The following USP53 variants were observed in gnomAD, a reference collection of about 807,000 sequenced individuals.
USP53 encodes the protein ubiquitin carboxyl-terminal hydrolase 53.
A neutral mutation model predicts 94.9 loss-of-function variants in USP53; 71 were observed. The ratio of observed to expected loss-of-function variants is 0.75; its 90% confidence interval spans 0.62 to 0.91. USP53 has a LOEUF of 0.91. Among genes scored for constraint, USP53 ranks in the 40% least tolerant of loss-of-function variants. The probability of loss-of-function intolerance (pLI) is 0.00; values close to 1 mark genes in which losing one functional copy is unlikely to be tolerated. For missense variants in USP53, 1,173 were observed against 1,281.0 expected (o/e 0.92, Z 1.29); for synonymous variants, 375 against 422.7 (o/e 0.89, Z 1.39).
chr4:119,245,263 A>G (rs1748071962), intron 5 of USP53, 74 bp from the exon 6 acceptor site: 1 of 1,429,888 alleles, frequency 7.0e-7, no homozygotes, highest in Admixed American at 1.7e-5. Flanking sequence ...TTTGTAAAAT[A>G]TCTAAATCTG....
chr4:119,248,760 C>A lies in USP53; in HGVS notation c.250C>A (p.Gln84Lys). 6.2e-7 allele frequency: 1 copy of A among 1,611,188 alleles called. No individual in the cohort carries two copies. The highest frequency in any genetic ancestry group is 1.3e-5 in the African/African-American group (1 of 74,908). Residue 84 changes from glutamine to lysine, a missense_variant, in exon 7 of 19, where the codon CAG becomes AAG. Physicochemically the swap from Gln to Lys is moderately conservative, Grantham distance 53. Coordinates refer to ENST00000692078, the MANE Select transcript of USP53 (RefSeq NM_001371395.1). The stretch of plus-strand genomic sequence containing the variant: ...TGTCGATTCCCAGACGATATTTGCA[C>A]AGTTCCAACACAGTCGAGAAAAAGC... ...IFCALKTIFA[Q>K]FQHSREKALP... is the part of the protein sequence containing the mutation.
chr4:119,273,493 T>G, intron 16 of USP53, 139 bp from the exon 17 acceptor site: 1 of 536,864 alleles, frequency 1.9e-6, no homozygotes, highest in Non-Finnish European at 3.3e-6. Context: ...ACAACTACTT[T>G]TAAGTATTAA....
chr4:119,265,159 G>T (rs189183199), intron 12 of USP53, among the ~76,000 whole-genome samples: 80 of 152,060 alleles, frequency 5.3e-4, no homozygotes, highest in Non-Finnish European at 9.3e-4. Flanking sequence ...AAGATTTTGG[G>T]GTGAGGATTA....
chr4:119,285,693 GTT>G, intron 17 of USP53, among the ~76,000 whole-genome samples: 1 of 151,936 alleles, frequency 6.6e-6, no homozygotes, highest in East Asian at 1.9e-4. Context: ...TCTCTAAGAT[GTT>G]TTTGGCAAAC....
At chr4:119,273,497 G>C (rs956885275) in intron 16 of USP53, 135 bp from the exon 17 acceptor site, 27 of 553,302 alleles carry the variant, frequency 4.9e-5, no homozygotes, top group Non-Finnish European at 7.7e-5. Flanking sequence ...CTACTTTTAA[G>C]TATTAAATAA....
chr4:119,273,441 A>C (rs1006049750), intron 16 of USP53, 191 bp from the exon 17 acceptor site: 5 of 445,076 alleles, frequency 1.1e-5, no homozygotes, highest in Non-Finnish European at 2.1e-5. Context: ...TGGGCAAATT[A>C]ATTTGACTTT....
chr4:119,214,871 T>TCTCTTA (rs1743496859), intron 2 of USP53, among the ~76,000 whole-genome samples: 1 of 152,212 alleles, frequency 6.6e-6, no homozygotes, highest in Admixed American at 6.5e-5. Flanking sequence ...TGTTTGGAAC[T>TCTCTTA]CTCTTACTTA....
At chr4:119,265,733 C>T (rs1316026844) in intron 12 of USP53, among the ~76,000 whole-genome samples, 3 of 152,124 alleles carry the variant, frequency 2.0e-5, no homozygotes, top group African/African-American at 4.8e-5. Context: ...TTGGAATCCC[C>T]AGTGAGGAGG....
chr4:119,258,743 A>G (rs1051280614), intron 9 of USP53, among the ~76,000 whole-genome samples: 2 of 152,292 alleles, frequency 1.3e-5, no homozygotes, highest in African/African-American at 4.8e-5. Flanking sequence ...CTTATTCACT[A>G]CCACCAGAAC....
chr4:119,288,464 G>T (rs1487600369), intron 17 of USP53, among the ~76,000 whole-genome samples: 1 of 152,218 alleles, frequency 6.6e-6, no homozygotes, highest in Non-Finnish European at 1.5e-5. Context: ...AAAAATTGTG[G>T]ATATTATTCT....
At chr4:119,252,692 C>G (rs1217356981) in intron 7 of USP53, among the ~76,000 whole-genome samples, 1 of 151,936 alleles carries the variant, frequency 6.6e-6, no homozygotes, top group Non-Finnish European at 1.5e-5. Context: ...GCTCCTGGAA[C>G]CAGTGATTGT....
At chr4:119,245,525 T>C in intron 6 of USP53, 96 bp downstream of exon 6, 1 of 978,390 alleles carries the variant, frequency 1.0e-6, no homozygotes, top group Non-Finnish European at 1.6e-6. Flanking sequence ...TAAAGTTCAC[T>C]GTCAGGTGAT....
At chr4:119,269,117 TAATG>T (rs907278612) in intron 14 of USP53, among the ~76,000 whole-genome samples, 2 of 152,262 alleles carry the variant, frequency 1.3e-5, no homozygotes, top group Non-Finnish European at 2.9e-5. Context: ...TAAAAATTCT[TAATG>T]AAGCTGTATC....
In USP53 at chr4:119,267,262, T is replaced by C; in HGVS notation, c.973-58T>C. ...AAGTAACTCAGAGTCTGTCTTTTCATGTAACACATTGATTACAAGGTTTTG... is the reference window on the plus strand; with the variant it reads ...AAGTAACTCAGAGTCTGTCTTTTCACGTAACACATTGATTACAAGGTTTTG... On this transcript the variant is annotated intron_variant, in intron 12 of 18. Transcript: ENST00000692078. 3.9e-6 allele frequency: 6 copies of C among 1,532,186 alleles called. No homozygotes were observed. In the South Asian group the frequency reaches 7.5e-5, roughly 19 times the overall value. The allele number at this position is 1,532,186 out of a possible 1,614,324, so 94.9% of individuals were successfully genotyped here.
chr4:119,272,240 T>C, intron 16 of USP53: 1 of 432,362 alleles, frequency 2.3e-6, no homozygotes, highest in Non-Finnish European at 3.9e-6. Context: ...ATATTTTAGA[T>C]TTCCATTTTG....
chr4:119,268,094 G>A (rs543074059), intron 13 of USP53, among the ~76,000 whole-genome samples, 174 bp from the exon 14 acceptor site: 252 of 151,080 alleles, frequency 1.7e-3, no homozygotes, highest in Non-Finnish European at 3.0e-3. Context: ...GTGAACCCGG[G>A]AGGCGGAGCT....
chr4:119,243,511 T>C (rs77598255), intron 5 of USP53, among the ~76,000 whole-genome samples: 6,712 of 151,956 alleles, frequency 0.044, 201 homozygotes, highest in Non-Finnish European at 0.068. Context: ...AATAAATAAA[T>C]AAAAATAAAA....
intron 9 of USP53, 109 bp from the exon 10 acceptor site, chr4:119,259,710 GT>G (rs1426885307): frequency 2.9e-6 from 2 of 690,282 alleles, no homozygotes; most frequent in Non-Finnish European, 2.3e-6. Flanking sequence ...TCATGGTCAT[GT>G]TTTAGATAGA....
rs1221835135 is a variant in USP53, at chr4:119,270,468, G to C, written c.1435+631G>C. Among the ~76,000 whole-genome samples, 4 of 152,022 alleles carry C rather than the reference G, an allele frequency of 2.6e-5. No individual in the cohort carries two copies. The East Asian group carries it at 7.7e-4, about 29-fold the overall frequency. On this transcript the variant is annotated intron_variant, in intron 15 of 18. Transcript: ENST00000692078. ...CTAAATATGCAAAATATCCTGGTTT[G>C]TTCTTAATTCTAACCTGGGATACTT...
Sources: allele counts gnomAD v4.1 joint callset (sites outside exome capture counted in the v4.1 genomes callset), GRCh38; gene constraint gnomAD v4.1.1; transcripts MANE v1.5; gene names NCBI Gene and HGNC (gene_info 2026-07-23, HGNC 2026-07-21).